The following DOCK4 variants were observed in gnomAD, a reference collection of about 807,000 sequenced individuals.
DOCK4 encodes dedicator of cytokinesis 4.
A neutral mutation model predicts 268.1 loss-of-function variants in DOCK4; 97 were observed. That is an observed-to-expected ratio of 0.36 (90% CI 0.31 to 0.43). The LOEUF (loss-of-function observed/expected upper bound fraction) is 0.43. Ranked by LOEUF, DOCK4 falls within the 20% of genes least tolerant of loss-of-function variation. DOCK4 has a pLI of 1.00. For synonymous variants in DOCK4, 954 were observed against 887.2 expected, an observed-to-expected ratio of 1.08 and a Z score of -1.34; for missense variants, 2,145 against 2,455.7, an observed-to-expected ratio of 0.87 and a Z score of 2.67.
chr7:111,879,757 T>C (rs893964092), intron 16 of DOCK4, among the ~76,000 whole-genome samples: 1 of 152,154 alleles, frequency 6.6e-6, no homozygotes, highest in African/African-American at 2.4e-5. Context: ...GCAGAAATTC[T>C]AGAGTTGAAA....
At chr7:111,974,425 G>A (rs1040097504) in intron 8 of DOCK4, among the ~76,000 whole-genome samples, 4 of 150,512 alleles carry the variant, frequency 2.7e-5, no homozygotes, top group African/African-American at 9.8e-5. Flanking sequence ...TTGAGGAGAA[G>A]CAGTGGGAAG....
intron 1 of DOCK4, among the ~76,000 whole-genome samples, chr7:112,133,938 T>G (rs1814062597): frequency 6.6e-6 from 1 of 151,906 alleles, no homozygotes; most frequent in Non-Finnish European, 1.5e-5. Context: ...TGGAATGGAA[T>G]GGAGTGGGAT....
At chr7:112,112,998 G>A (rs904830779) in intron 1 of DOCK4, among the ~76,000 whole-genome samples, 12 of 152,194 alleles carry the variant, frequency 7.9e-5, no homozygotes, top group East Asian at 3.9e-4. Flanking sequence ...ATTTTTTCCC[G>A]ACTAGGGTTT....
In DOCK4 at chr7:112,122,660, T is replaced by C. The variant is rs555994347; in HGVS notation, c.37+83442A>G. Among the ~76,000 whole-genome samples the C allele has an allele frequency of 9.8e-5, 15 of 152,344 alleles. No individual in the cohort carries two copies. The South Asian group carries it at 2.5e-3, about 25-fold the overall frequency. ...CTAGTGTTTAGCCCAAGTGCATTTA[T>C]TGAGAGGATGATATATTTGAATTTG... is the stretch of plus-strand genomic sequence containing the variant. On this transcript the variant is annotated intron_variant, in intron 1 of 52. Coordinates refer to ENST00000428084, the MANE Select transcript of DOCK4 (RefSeq NM_001363540.2).
At chr7:112,195,955 G>A (rs1820385448) in intron 1 of DOCK4, among the ~76,000 whole-genome samples, 1 of 152,148 alleles carries the variant, frequency 6.6e-6, no homozygotes, top group Non-Finnish European at 1.5e-5. Context: ...AAATACACAT[G>A]TGTTAGTAGT....
At chr7:111,900,348 G>A in intron 15 of DOCK4, 26 bp downstream of exon 15, 1 of 1,608,060 alleles carries the variant, frequency 6.2e-7, no homozygotes, top group Non-Finnish European at 8.5e-7. Flanking sequence ...AATAGACACA[G>A]GTAGCCAATG....
intron 1 of DOCK4, among the ~76,000 whole-genome samples, chr7:112,130,147 G>C (rs73436665): frequency 0.021 from 3,170 of 152,266 alleles, 107 homozygotes; most frequent in African/African-American, 0.072. Flanking sequence ...AACCTGGAAG[G>C]AAAGAGCAAT....
At chr7:111,994,546 C>A (rs1056459060) in intron 4 of DOCK4, among the ~76,000 whole-genome samples, 3 of 152,168 alleles carry the variant, frequency 2.0e-5, no homozygotes, top group African/African-American at 7.2e-5. Context: ...CAAAAGCCTT[C>A]ATCTGTAACA....
chr7:112,049,030 T>C (rs1186635099), intron 1 of DOCK4, among the ~76,000 whole-genome samples: 1 of 152,194 alleles, frequency 6.6e-6, no homozygotes, highest in Non-Finnish European at 1.5e-5. Context: ...AGAACAGCAT[T>C]ACAAGACATA....
chr7:112,164,532 T>C (rs1179011820), intron 1 of DOCK4, among the ~76,000 whole-genome samples: 1 of 152,200 alleles, frequency 6.6e-6, no homozygotes, highest in African/African-American at 2.4e-5. Flanking sequence ...CTATACTAAG[T>C]ATGTACTGCT....
chr7:111,775,685 G>T (rs1798397973), intron 36 of DOCK4, among the ~76,000 whole-genome samples: 1 of 152,234 alleles, frequency 6.6e-6, no homozygotes, highest in Non-Finnish European at 1.5e-5. Flanking sequence ...CCTGTGGGGT[G>T]AAGCGCTGTA....
At chr7:111,798,938 T>G (rs367997009) in intron 30 of DOCK4, among the ~76,000 whole-genome samples, 1 of 152,182 alleles carries the variant, frequency 6.6e-6, no homozygotes, top group African/African-American at 2.4e-5. Flanking sequence ...TTATCCTCAG[T>G]TTTTCTTCCA....
At chr7:111,799,680 T>C (rs1244874405) in intron 30 of DOCK4, among the ~76,000 whole-genome samples, 1 of 152,232 alleles carries the variant, frequency 6.6e-6, no homozygotes, top group South Asian at 2.1e-4. Context: ...AAGTAAGGGC[T>C]ATTCATCTTA....
intron 26 of DOCK4, among the ~76,000 whole-genome samples, 177 bp from the exon 27 acceptor site, chr7:111,822,633 A>G (rs181370384): frequency 1.3e-5 from 2 of 152,124 alleles, no homozygotes; most frequent in African/African-American, 4.8e-5. Context: ...CATTCTCAGG[A>G]CTCAAACCCA....
intron 1 of DOCK4, among the ~76,000 whole-genome samples, chr7:112,066,705 A>ATGTGTG (rs1807071549): frequency 1.7e-5 from 1 of 58,766 alleles, no homozygotes; most frequent in African/African-American, 6.5e-5. Context: ...ATATATATAT[A>ATGTGTG]TATATATATA....
chr7:112,130,103 C>T (rs567805314), intron 1 of DOCK4, among the ~76,000 whole-genome samples: 2 of 152,198 alleles, frequency 1.3e-5, no homozygotes, highest in Admixed American at 6.5e-5. Context: ...AAATTTGAGC[C>T]GAGTTTGAAT....
In DOCK4 at chr7:111,737,357, C is replaced by CTCAAGCAG. The variant is rs1208804420; in HGVS notation, c.5233-376_5233-369dup. Among the ~76,000 whole-genome samples, 23 of 152,074 alleles carry CTCAAGCAG rather than the reference C, an allele frequency of 1.5e-4. 1 individual carries two copies. The East Asian group carries it at 2.7e-3, about 18-fold the overall frequency. On this transcript the variant is annotated intron_variant, in intron 49 of 52. Coordinates refer to ENST00000428084, the MANE Select transcript of DOCK4 (RefSeq NM_001363540.2). The stretch of plus-strand genomic sequence containing the variant: ...CCCAGGCTGGTCTTGAATGCCTGGG[C>CTCAAGCAG]TCAAGCAGTCCTTCCAACCTTGGCC...
intron 42 of DOCK4, 91 bp from the exon 43 acceptor site, chr7:111,747,534 C>G: frequency 7.7e-7 from 1 of 1,302,212 alleles, no homozygotes; most frequent in South Asian, 1.5e-5. Context: ...ATTATCTGTG[C>G]TCCCCCTTGG....
At chr7:111,984,195 C>A in intron 7 of DOCK4, 111 bp downstream of exon 7, 1 of 990,592 alleles carries the variant, frequency 1.0e-6, no homozygotes. Context: ...TTTACTCTCT[C>A]TAAATTAATC....
Sources: gnomAD v4.1 joint callset for allele counts (sites outside exome capture counted in the v4.1 genomes callset) on GRCh38, gnomAD v4.1.1 for gene constraint, MANE v1.5 for transcripts, NCBI Gene and HGNC (gene_info 2026-07-23, HGNC 2026-07-21) for gene names.